Variants in OPRM1 observed in about 807,000 individuals in gnomAD.
The protein encoded by OPRM1 is opioid receptor mu 1.
OPRM1 carries 27 observed loss-of-function variants against 31.8 expected under a neutral mutation model. The observed-to-expected ratio is 0.85, with a 90% CI of 0.63 to 1.17. The LOEUF is 1.17. Ranked by LOEUF, OPRM1 falls within the 50% of genes most tolerant of loss-of-function variation. The pLI is 0.00. For missense variants in OPRM1, 536 were observed against 511.1 expected, an observed-to-expected ratio of 1.05 and a Z score of -0.47; for synonymous variants, 196 against 189.9, an observed-to-expected ratio of 1.03 and a Z score of -0.26.
chr6:154,218,452 T>A (rs1488156297), intron 3 of OPRM1, among the ~76,000 whole-genome samples: 5 of 152,136 alleles, frequency 3.3e-5, no homozygotes. Flanking sequence ...AATGTCACTA[T>A]CCAGAAATGC....
At chr6:154,054,976 G>T (rs554007157) in intron 1 of OPRM1, among the ~76,000 whole-genome samples, 2 of 152,308 alleles carry the variant, frequency 1.3e-5, no homozygotes, top group East Asian at 3.9e-4. Flanking sequence ...TAACCTACTT[G>T]AATCTCATTA....
chr6:154,176,060 A>T (rs1308051103), intron 3 of OPRM1, among the ~76,000 whole-genome samples: 1 of 152,220 alleles, frequency 6.6e-6, no homozygotes. Context: ...AAACAGAACC[A>T]ATGATAAAAA....
At chr6:154,089,216 G>A (rs552511583) in intron 1 of OPRM1, among the ~76,000 whole-genome samples, 17 of 151,554 alleles carry the variant, frequency 1.1e-4, no homozygotes, top group Non-Finnish European at 1.8e-4. Flanking sequence ...CTATCCAGTC[G>A]CTGCCCCTAC....
intron 3 of OPRM1, among the ~76,000 whole-genome samples, chr6:154,219,517 C>T (rs1459102339): frequency 6.6e-6 from 1 of 152,112 alleles, no homozygotes; most frequent in East Asian, 1.9e-4. Flanking sequence ...TGAGGCTCAG[C>T]GGCGGACTGA....
intron 3 of OPRM1, among the ~76,000 whole-genome samples, chr6:154,229,926 C>T (rs1445219420): frequency 2.0e-5 from 3 of 152,128 alleles, no homozygotes; most frequent in Non-Finnish European, 4.4e-5. Context: ...CATGGATGAA[C>T]CCTGAAAACA....
At chr6:154,093,446 A>G (rs1792771356) in intron 3 of OPRM1, 2 of 1,614,028 alleles carry the variant, frequency 1.2e-6, no homozygotes, top group Admixed American at 3.3e-5. Flanking sequence ...TCCTGAGTTA[A>G]GCATGATTAT....
chr6:154,199,585 T>A (rs1776908934), intron 3 of OPRM1: 1 of 1,395,488 alleles, frequency 7.2e-7, no homozygotes, highest in Non-Finnish European at 9.6e-7. Flanking sequence ...AGTTTAACCA[T>A]TCTTGTTACA....
intron 1 of OPRM1, among the ~76,000 whole-genome samples, chr6:154,069,659 T>G (rs1295944504): frequency 6.6e-6 from 1 of 152,226 alleles, no homozygotes; most frequent in Non-Finnish European, 1.5e-5. Context: ...AGTTGCTAAC[T>G]TACTTTGAAT....
intron 1 of OPRM1, among the ~76,000 whole-genome samples, chr6:154,084,274 C>G (rs1789942621): frequency 6.6e-6 from 1 of 152,208 alleles, no homozygotes; most frequent in Non-Finnish European, 1.5e-5. Context: ...GTCCTCCATT[C>G]TCCCCTTCAC....
At chr6:154,135,484 G>GATAGATGAT (rs1798034596), downstream of OPRM1, among the ~76,000 whole-genome samples, 1 of 144,366 alleles carries the variant, frequency 6.9e-6, no homozygotes, top group Non-Finnish European at 1.5e-5. Flanking sequence ...AAAATATATA[G>GATAGATGAT]ATAGATATAG....
intron 3 of OPRM1, among the ~76,000 whole-genome samples, chr6:154,176,040 T>A (rs1373547055): frequency 6.6e-6 from 1 of 152,156 alleles, no homozygotes; most frequent in African/African-American, 2.4e-5. Context: ...ATAGACATAA[T>A]CTATCACATA....
chr6:154,158,909 T>A (rs1465851368), intron 3 of OPRM1: 1 of 151,786 alleles, frequency 6.6e-6, no homozygotes, highest in Non-Finnish European at 1.5e-5. Flanking sequence ...TGGGTTTTTG[T>A]TTTTTTGTTT....
chr6:154,089,981 A>G lies in OPRM1; in HGVS notation c.446A>G (p.Asp149Gly), dbSNP rs372094684. Residue 149 changes from aspartate to glycine, a missense_variant, in exon 2 of 4, where the codon GAT becomes GGT. Transcript: ENST00000330432. ...CTTTGCAAGATAGTGATCTCCATAG[A>G]TTACTATAACATGTTCACCAGCATA... The part of the protein sequence containing the change: ...TILCKIVISI[D>G]YYNMFTSIFT... 1 of 1,614,116 alleles carries G rather than the reference A, an allele frequency of 6.2e-7. No homozygotes were observed. Among genetic ancestry groups the G allele is most frequent in the Admixed American group, 1.7e-5 (1 of 60,022 alleles).
chr6:154,180,425 A>T (rs1211885574), intron 3 of OPRM1, among the ~76,000 whole-genome samples: 65 of 122,086 alleles, frequency 5.3e-4, no homozygotes, highest in Admixed American at 2.3e-3. Flanking sequence ...TTTTTTTTTT[A>T]AACATGATCC....
chr6:154,214,732 T>A (rs1235528016), intron 3 of OPRM1, among the ~76,000 whole-genome samples: 1 of 152,234 alleles, frequency 6.6e-6, no homozygotes, highest in African/African-American at 2.4e-5. Context: ...AATATTTTTA[T>A]GTCAATCAGT....
chr6:154,152,390 A>AAGAG (rs1193986554), intron 3 of OPRM1, among the ~76,000 whole-genome samples: 16 of 126,290 alleles, frequency 1.3e-4, no homozygotes, highest in South Asian at 2.4e-4. Flanking sequence ...GAAAGAAAGA[A>AAGAG]AGAGAAATAG....
chr6:154,077,657 C>T (rs1049774149), intron 1 of OPRM1, among the ~76,000 whole-genome samples: 13 of 151,632 alleles, frequency 8.6e-5, no homozygotes, highest in East Asian at 2.0e-4. Context: ...TTTGAACCTG[C>T]GAGGCGGAGG....
At position 154,213,037 on chromosome 6, in the gene OPRM1, G is replaced by C. The variant is rs931794007; in HGVS notation, c.1165-33656G>C. ...AATTACATAAGAGGCAGAAACAAAT[G>C]GCCAATTCGGGGCTCCTGACCTCAA... On this transcript the variant is annotated intron_variant, in intron 3 of 3. Transcript: ENST00000337049. The C allele has an allele frequency of 2.6e-5, 15 of 570,360 alleles. No individual in the cohort carries two copies. The African/African-American group carries it at 2.8e-4, about 11-fold the overall frequency. The allele number at this position is 570,360 out of a possible 1,614,324, so 35.3% of individuals were successfully genotyped here.
chr6:154,237,596 A>G (rs2128632715), intron 3 of OPRM1, among the ~76,000 whole-genome samples: 1 of 152,302 alleles, frequency 6.6e-6, no homozygotes, highest in East Asian at 1.9e-4. Flanking sequence ...TGAATAATAT[A>G]GAGATAGTGT....
Sources: allele counts gnomAD v4.1 joint callset (sites outside exome capture counted in the v4.1 genomes callset), GRCh38; gene constraint gnomAD v4.1.1; transcripts MANE v1.5; gene names NCBI Gene and HGNC (gene_info 2026-07-23, HGNC 2026-07-21).